Variants in SLC22A23 observed in about 807,000 individuals in gnomAD.
The protein encoded by SLC22A23 is ion transporter protein.
SLC22A23 carries 26 observed loss-of-function variants against 61.0 expected under a neutral mutation model. That is an observed-to-expected ratio of 0.43 (90% CI 0.31 to 0.59). The LOEUF (loss-of-function observed/expected upper bound fraction) is 0.59, where lower values mean the gene tolerates loss of function less well. Among genes scored for constraint, SLC22A23 ranks in the 20% least tolerant of loss-of-function variants. The pLI is 0.11. For missense variants in SLC22A23, 796 were observed against 934.7 expected (o/e 0.85, Z 1.94); for synonymous variants, 430 against 413.9 (o/e 1.04, Z -0.47).
rs147045848 is a variant in SLC22A23 at position 3,427,118 on chromosome 6, C to T, written c.655-11263G>A. Among the ~76,000 whole-genome samples the T allele has an allele frequency of 1.3e-3, 203 of 152,312 alleles. No homozygotes were observed. Among genetic ancestry groups the T allele is most frequent in the African/African-American group, 4.5e-3 (185 of 41,562 alleles). On this transcript the variant is annotated intron_variant, in intron 1 of 9. Transcript: ENST00000406686. The surrounding 1 kb of genome is among the most constrained non-coding windows in gnomAD (Gnocchi z 4.3). ...CAGTTTTATTTCTAGTTTCGCCCCG[C>T]GGTCATCAGGGCAAGCTTTTTCACC...
rs759939990 is a variant in SLC22A23 at position 3,427,202 on chromosome 6, G to A, written c.655-11347C>T. On this transcript the variant is annotated intron_variant, in intron 1 of 9. Coordinates refer to ENST00000406686, the MANE Select transcript of SLC22A23 (RefSeq NM_015482.2). This position sits in a 1 kb window ranked among gnomAD's most constrained non-coding sequence, Gnocchi z 4.3. ...GGAGTCGCAAAACCTTCACCAGAGGGTTGTTACAAGAGTCAAAAATAACAT... is the reference window on the plus strand; with the variant it reads ...GGAGTCGCAAAACCTTCACCAGAGGATTGTTACAAGAGTCAAAAATAACAT... Among the ~76,000 whole-genome samples the A allele has an allele frequency of 6.6e-6, 1 of 152,152 alleles. No homozygotes were observed.
At position 3,304,029 on chromosome 6, in the gene SLC22A23, G is replaced by C. The variant is rs1235215105; in HGVS notation, c.1083-5811C>G. Reference sequence around the variant, plus strand: ...CATTATGCATACCAGGCAGACATTGGTGCTACTGGAATTCCATCAGTCCAG... The same window carrying C: ...CATTATGCATACCAGGCAGACATTGCTGCTACTGGAATTCCATCAGTCCAG... On this transcript the variant is annotated intron_variant, in intron 4 of 9. Transcript: ENST00000406686. This position sits in a 1 kb window ranked among gnomAD's most constrained non-coding sequence, Gnocchi z 4.3. Among the ~76,000 whole-genome samples, 1 of 152,218 alleles carries C rather than the reference G, an allele frequency of 6.6e-6. No homozygotes were observed. Among genetic ancestry groups the C allele is most frequent in the Non-Finnish European group, 1.5e-5 (1 of 68,040 alleles).
chr6:3,286,766 T>C lies in SLC22A23; in HGVS notation c.1546+93A>G, dbSNP rs750972963. 12 of 1,062,222 alleles carry C rather than the reference T, an allele frequency of 1.1e-5. No homozygotes were observed. The highest frequency in any genetic ancestry group is 1.7e-5 in the Non-Finnish European group (12 of 723,558). 65.8% of individuals were successfully genotyped at this position (1,062,222 alleles called of 1,614,324 possible). On this transcript the variant is annotated intron_variant, in intron 7 of 9. Transcript: ENST00000406686. The surrounding 1 kb of genome is among the most constrained non-coding windows in gnomAD (Gnocchi z 4.2). The stretch of plus-strand genomic sequence containing the variant: ...CTCCTTCCAGCAGTAGATTTTAGAG[T>C]GGCCAGCGGAGTCTTATGCAGCCCT...
intron 3 of SLC22A23, among the ~76,000 whole-genome samples, chr6:3,332,402 G>T (rs975219908): frequency 6.6e-6 from 1 of 152,104 alleles, no homozygotes; most frequent in Non-Finnish European, 1.5e-5. Context: ...AAATAGAGAA[G>T]AATTATTAGC....
At chr6:3,413,662 T>C (rs557342432) in intron 2 of SLC22A23, among the ~76,000 whole-genome samples, 1 of 152,330 alleles carries the variant, frequency 6.6e-6, no homozygotes, top group East Asian at 1.9e-4. Flanking sequence ...TGTTACTAAA[T>C]GCTGACTGCA....
intron 1 of SLC22A23, chr6:3,432,081 G>T (rs1047868419): frequency 5.9e-6 from 2 of 340,932 alleles, no homozygotes; most frequent in Non-Finnish European, 8.3e-6. Context: ...TATGCTATAG[G>T]TGTCATCTCT....
chr6:3,437,180 A>C (rs1771269709), intron 1 of SLC22A23, among the ~76,000 whole-genome samples: 1 of 152,102 alleles, frequency 6.6e-6, no homozygotes, highest in Non-Finnish European at 1.5e-5. Flanking sequence ...ACAAGAAGGC[A>C]AACGAGAAAT....
At chr6:3,420,506 C>T (rs916464094) in intron 1 of SLC22A23, among the ~76,000 whole-genome samples, 1 of 151,990 alleles carries the variant, frequency 6.6e-6, no homozygotes, top group African/African-American at 2.4e-5. Flanking sequence ...AAATAGATTG[C>T]TTCTTTAATT....
At chr6:3,368,078 G>A (rs1765953216) in intron 3 of SLC22A23, among the ~76,000 whole-genome samples, 1 of 152,228 alleles carries the variant, frequency 6.6e-6, no homozygotes, top group South Asian at 2.1e-4. Context: ...CTTGGGCTGG[G>A]AAGTCACAAC....
chr6:3,394,083 C>T (rs1416586950), intron 3 of SLC22A23, among the ~76,000 whole-genome samples: 1 of 152,236 alleles, frequency 6.6e-6, no homozygotes, highest in African/African-American at 2.4e-5. Context: ...AGTGACCCCA[C>T]TAAAGACACG....
chr6:3,442,083 G>A (rs916129491), intron 1 of SLC22A23, among the ~76,000 whole-genome samples: 5 of 152,200 alleles, frequency 3.3e-5, no homozygotes, highest in African/African-American at 4.8e-5. Context: ...ACACAATGGC[G>A]TATTCCTCAG....
intron 1 of SLC22A23, among the ~76,000 whole-genome samples, chr6:3,442,644 T>A (rs1771668640): frequency 6.6e-6 from 1 of 152,128 alleles, no homozygotes; most frequent in African/African-American, 2.4e-5. Flanking sequence ...ATTACGATGC[T>A]AAGTACATAA....
intron 3 of SLC22A23, among the ~76,000 whole-genome samples, chr6:3,363,372 A>T (rs552145664): frequency 3.3e-5 from 5 of 152,356 alleles, no homozygotes; most frequent in Non-Finnish European, 5.9e-5. Context: ...CCACCGCCAG[A>T]ACAGGACCTA....
At chr6:3,284,172 T>C in intron 8 of SLC22A23, 197 bp from the exon 9 acceptor site, 1 of 501,410 alleles carries the variant, frequency 2.0e-6, no homozygotes. Flanking sequence ...TTTGTGGGGC[T>C]TCTATGAGTC....
intron 4 of SLC22A23, 90 bp from the exon 5 acceptor site, chr6:3,298,308 G>A: frequency 1.4e-6 from 2 of 1,460,358 alleles, no homozygotes; most frequent in Non-Finnish European, 1.8e-6. Context: ...GAGCTTCCCA[G>A]GCAGGTGGCG....
intron 1 of SLC22A23, among the ~76,000 whole-genome samples, chr6:3,416,592 G>A (rs547990997): frequency 2.6e-5 from 4 of 152,330 alleles, no homozygotes; most frequent in South Asian, 2.1e-4. Context: ...GGATCAGGAC[G>A]TAAACCCCTG....
chr6:3,290,166 C>T (rs191963609), intron 5 of SLC22A23: 15 of 453,886 alleles, frequency 3.3e-5, no homozygotes, highest in South Asian at 2.1e-4. Context: ...TGCACACAAA[C>T]GGTCTCGACT....
At chr6:3,433,834 A>G (rs940505229) in intron 1 of SLC22A23, among the ~76,000 whole-genome samples, 2 of 152,176 alleles carry the variant, frequency 1.3e-5, no homozygotes, top group Admixed American at 6.5e-5. Flanking sequence ...AGGCAAAACC[A>G]TGCTATGGGG....
chr6:3,291,161 G>A (rs1760552334), intron 5 of SLC22A23: 2 of 152,144 alleles, frequency 1.3e-5, no homozygotes, highest in African/African-American at 4.8e-5. Flanking sequence ...GTACTGGGAG[G>A]TCTGTCGTTG....
Sources: allele counts gnomAD v4.1 joint callset (sites outside exome capture counted in the v4.1 genomes callset), GRCh38; gene constraint gnomAD v4.1.1; non-coding constraint Gnocchi (gnomAD v3.1); transcripts MANE v1.5; gene names NCBI Gene and HGNC (gene_info 2026-07-23, HGNC 2026-07-21).